DLG2: variants seen among roughly 807,000 people sequenced by gnomAD.
DLG2 encodes disks large homolog 2.
A neutral mutation model predicts 132.5 loss-of-function variants in DLG2; 45 were observed. That is an observed-to-expected ratio of 0.34 (90% CI 0.27 to 0.44). DLG2 has a LOEUF of 0.44. Among genes scored for constraint, DLG2 ranks in the 20% least tolerant of loss-of-function variants. The pLI is 1.00. For synonymous variants in DLG2, 424 were observed against 419.6 expected (o/e 1.01, Z -0.13); for missense variants, 1,045 against 1,196.9 (o/e 0.87, Z 1.87).
At chr11:84,836,388 G>C (rs1348768947) in intron 6 of DLG2, among the ~76,000 whole-genome samples, 1 of 151,614 alleles carries the variant, frequency 6.6e-6, no homozygotes, top group Non-Finnish European at 1.5e-5. Context: ...TCTTAGACAA[G>C]GAATAGTATC....
intron 15 of DLG2, among the ~76,000 whole-genome samples, chr11:83,927,421 T>G (rs970185536): frequency 6.6e-6 from 1 of 152,138 alleles, no homozygotes; most frequent in Non-Finnish European, 1.5e-5. Flanking sequence ...GACGTGCAAT[T>G]TAAGCTTGGA....
chr11:84,525,177 T>A lies in DLG2; in HGVS notation c.519+9393A>T, dbSNP rs2099316506. ...GAGCAATCCCATCCATTTTCACAACTCCAACTACACTGAAAACGTCAAAGT... is the reference window on the plus strand; with the variant it reads ...GAGCAATCCCATCCATTTTCACAACACCAACTACACTGAAAACGTCAAAGT... On this transcript the variant is annotated intron_variant, in intron 7 of 27. Transcript: ENST00000376104. 2.0e-5 allele frequency among the ~76,000 whole-genome samples: 3 copies of A among 152,106 alleles called. No individual in the cohort carries two copies. The South Asian group carries it at 6.2e-4, about 31-fold the overall frequency.
chr11:83,731,788 C>T (rs2091058934), intron 18 of DLG2, among the ~76,000 whole-genome samples: 1 of 152,164 alleles, frequency 6.6e-6, no homozygotes, highest in Non-Finnish European at 1.5e-5. Context: ...TCCACAGCCT[C>T]GCCAGCATCT....
At chr11:84,368,133 T>C (rs778183693) in intron 7 of DLG2, among the ~76,000 whole-genome samples, 2 of 152,196 alleles carry the variant, frequency 1.3e-5, no homozygotes, top group Non-Finnish European at 2.9e-5. Flanking sequence ...AAAACAATTC[T>C]AAACTATAAA....
chr11:85,017,667 A>G (rs2059685166), intron 6 of DLG2, among the ~76,000 whole-genome samples: 1 of 152,212 alleles, frequency 6.6e-6, no homozygotes, highest in Non-Finnish European at 1.5e-5. Flanking sequence ...TTCCAGTATG[A>G]GAAAAGTAAT....
At chr11:85,144,602 C>T (rs1387331294) in intron 5 of DLG2, among the ~76,000 whole-genome samples, 6 of 150,282 alleles carry the variant, frequency 4.0e-5, no homozygotes, top group East Asian at 1.9e-4. Flanking sequence ...TTTTTTGATC[C>T]GAGGTTACCA....
intron 6 of DLG2, among the ~76,000 whole-genome samples, chr11:84,940,364 G>C (rs754870884): frequency 6.6e-6 from 1 of 152,148 alleles, no homozygotes; most frequent in Non-Finnish European, 1.5e-5. Context: ...TTTTGGCCAG[G>C]CTAGTCTTGA....
At chr11:84,352,025 A>G (rs778778474) in intron 7 of DLG2, among the ~76,000 whole-genome samples, 5 of 152,156 alleles carry the variant, frequency 3.3e-5, no homozygotes, top group Non-Finnish European at 7.3e-5. Context: ...AAACCACATG[A>G]TATTTTCTCA....
At chr11:83,850,160 G>GTGTTTTT (rs1452960432) in intron 16 of DLG2, among the ~76,000 whole-genome samples, 1 of 124,304 alleles carries the variant, frequency 8.0e-6, no homozygotes, top group Admixed American at 7.9e-5. Flanking sequence ...GTGTGTGTGT[G>GTGTTTTT]TTTTTTTACT....
At position 83,888,957 on chromosome 11, in the gene DLG2, A is replaced by G. The variant is rs1203049598; in HGVS notation, c.1497-14469T>C. 2.6e-5 allele frequency among the ~76,000 whole-genome samples: 4 copies of G among 152,236 alleles called. No individual in the cohort carries two copies. The East Asian group carries it at 7.7e-4, about 29-fold the overall frequency. On this transcript the variant is annotated intron_variant, in intron 15 of 27. Coordinates refer to ENST00000376104, the MANE Select transcript of DLG2 (RefSeq NM_001142699.3). ...TTACACCTTACACAAAAGTTAATTC[A>G]AGATGGATTAAAGACTTAAATGTTA...
intron 7 of DLG2, among the ~76,000 whole-genome samples, chr11:84,279,594 G>GT (rs2097829617): frequency 6.6e-6 from 1 of 152,202 alleles, no homozygotes; most frequent in South Asian, 2.1e-4. Context: ...TAAAGAAAAT[G>GT]TGGCACATAT....
chr11:83,516,028 A>T (rs1242138715), intron 21 of DLG2, among the ~76,000 whole-genome samples: 6 of 152,170 alleles, frequency 3.9e-5, no homozygotes, highest in Admixed American at 3.3e-4. Flanking sequence ...AGTTCTGTAG[A>T]TGTCTATTAG....
At chr11:84,708,711 C>T (rs1051288731) in intron 6 of DLG2, among the ~76,000 whole-genome samples, 2 of 151,802 alleles carry the variant, frequency 1.3e-5, no homozygotes, top group African/African-American at 2.4e-5. Flanking sequence ...ATTATAAAAC[C>T]CTTTTCTTTC....
intron 4 of DLG2, among the ~76,000 whole-genome samples, chr11:85,260,084 C>G (rs752922961): frequency 6.6e-5 from 10 of 152,108 alleles, no homozygotes; most frequent in Non-Finnish European, 1.3e-4. Context: ...CTGGCTCTAC[C>G]ATCAACAATG....
At chr11:83,932,475 C>A (rs2080476760) in intron 14 of DLG2, among the ~76,000 whole-genome samples, 1 of 152,058 alleles carries the variant, frequency 6.6e-6, no homozygotes. Context: ...ACCTCATGAT[C>A]TGCCTGCCTC....
At chr11:85,461,046 T>A (rs2092593631) in intron 3 of DLG2, among the ~76,000 whole-genome samples, 2 of 152,222 alleles carry the variant, frequency 1.3e-5, no homozygotes, top group Admixed American at 6.5e-5. Flanking sequence ...ATGTTTTCAT[T>A]TAAAAGCTTC....
chr11:83,640,597 T>C, intron 18 of DLG2, among the ~76,000 whole-genome samples: 1 of 152,204 alleles, frequency 6.6e-6, no homozygotes, highest in Non-Finnish European at 1.5e-5. Flanking sequence ...ACAATCCTAA[T>C]TGCTGGGGAT....
At chr11:83,723,738 C>A (rs1391201029) in intron 18 of DLG2, among the ~76,000 whole-genome samples, 1 of 151,996 alleles carries the variant, frequency 6.6e-6, no homozygotes, top group African/African-American at 2.4e-5. Context: ...TGGCTGTAGT[C>A]TCAGCTACTC....
chr11:85,426,541 C>T (rs1597237033), intron 3 of DLG2, among the ~76,000 whole-genome samples: 1 of 152,162 alleles, frequency 6.6e-6, no homozygotes, highest in Non-Finnish European at 1.5e-5. Flanking sequence ...CTCCAGCAAA[C>T]TCCAACAGAC....
Sources: gnomAD v4.1 joint callset for allele counts (sites outside exome capture counted in the v4.1 genomes callset) on GRCh38, gnomAD v4.1.1 for gene constraint, MANE v1.5 for transcripts, NCBI Gene and HGNC (gene_info 2026-07-23, HGNC 2026-07-21) for gene names.